The following PTPRO variants were observed in gnomAD, a reference collection of about 807,000 sequenced individuals.
The protein encoded by PTPRO is receptor-type tyrosine-protein phosphatase O.
Under a neutral mutation model 145.2 loss-of-function variants are expected in PTPRO, and 62 were observed. The ratio of observed to expected loss-of-function variants is 0.43; its 90% CI spans 0.35 to 0.53. The LOEUF is 0.53. PTPRO is among the 20% of genes least tolerant of loss of function. PTPRO has a pLI of 0.01. For synonymous variants in PTPRO, 565 were observed against 514.7 expected (o/e 1.10, Z -1.32); for missense variants, 1,345 against 1,482.7 (o/e 0.91, Z 1.53).
chr12:15,388,633 A>G (rs1939098009), intron 1 of PTPRO, among the ~76,000 whole-genome samples: 1 of 152,184 alleles, frequency 6.6e-6, no homozygotes, highest in South Asian at 2.1e-4. Context: ...GGTATTTTTT[A>G]TTTTAGGAGG....
intron 10 of PTPRO, among the ~76,000 whole-genome samples, chr12:15,521,058 A>G (rs2136515529): frequency 6.6e-6 from 1 of 152,326 alleles, no homozygotes; most frequent in South Asian, 2.1e-4. Context: ...TCAAAGAAAC[A>G]CTAACCCTTG....
At chr12:15,507,978 T>C (rs939590405) in intron 6 of PTPRO, among the ~76,000 whole-genome samples, 1 of 152,246 alleles carries the variant, frequency 6.6e-6, no homozygotes, top group Admixed American at 6.5e-5. Flanking sequence ...AAGCTAAGGA[T>C]GGGCACTTCT....
chr12:15,459,992 A>G (rs765176198), intron 1 of PTPRO, among the ~76,000 whole-genome samples: 3 of 152,158 alleles, frequency 2.0e-5, no homozygotes, highest in Non-Finnish European at 2.9e-5. Flanking sequence ...TCTGAGCCTC[A>G]TGTGTGTGTT....
rs74779489 is a variant in PTPRO at position 15,330,093 on chromosome 12, T to C, written c.75+7292T>C. ...CTGTATTCTCTAGGGGAAGAGGCCTTATCGAAGGGTTTAATCAAGGCATTA... is the reference window on the plus strand; with the variant it reads ...CTGTATTCTCTAGGGGAAGAGGCCTCATCGAAGGGTTTAATCAAGGCATTA... On this transcript the variant is annotated intron_variant, in intron 1 of 26. Transcript: ENST00000281171. Among the ~76,000 whole-genome samples the C allele has an allele frequency of 1.2e-4, 19 of 152,248 alleles. No individual in the cohort carries two copies. The East Asian group carries it at 3.7e-3, about 29-fold the overall frequency.
chr12:15,378,680 G>T (rs1938762838), intron 1 of PTPRO, among the ~76,000 whole-genome samples: 1 of 151,940 alleles, frequency 6.6e-6, no homozygotes, highest in African/African-American at 2.4e-5. Context: ...GAAGCTAAGA[G>T]AACACTTTCT....
At chr12:15,411,906 G>A (rs1042844681) in intron 1 of PTPRO, among the ~76,000 whole-genome samples, 5 of 152,302 alleles carry the variant, frequency 3.3e-5, no homozygotes, top group African/African-American at 9.6e-5. Context: ...GCATGCATCA[G>A]ACAGTCTGAA....
intron 1 of PTPRO, among the ~76,000 whole-genome samples, chr12:15,455,252 G>A (rs984660563): frequency 6.6e-6 from 1 of 151,990 alleles, no homozygotes; most frequent in Non-Finnish European, 1.5e-5. Context: ...GATCTCTGCT[G>A]AAAAGTAATT....
chr12:15,513,850 T>A (rs1160846154), intron 7 of PTPRO, among the ~76,000 whole-genome samples: 1 of 152,202 alleles, frequency 6.6e-6, no homozygotes, highest in African/African-American at 2.4e-5. Context: ...ACCTATATCT[T>A]AGCAATGAAG....
chr12:15,589,141 C>T (rs1944491019), intron 24 of PTPRO, among the ~76,000 whole-genome samples: 1 of 152,064 alleles, frequency 6.6e-6, no homozygotes, highest in South Asian at 2.1e-4. Context: ...TTCAGGAGGC[C>T]GAGGTGGGAA....
At chr12:15,364,191 G>C (rs1002427546) in intron 1 of PTPRO, among the ~76,000 whole-genome samples, 1 of 152,138 alleles carries the variant, frequency 6.6e-6, no homozygotes, top group Non-Finnish European at 1.5e-5. Flanking sequence ...TATGATGTAC[G>C]AGACATTTTG....
chr12:15,358,552 G>C (rs1420094705), intron 1 of PTPRO, among the ~76,000 whole-genome samples: 1 of 152,112 alleles, frequency 6.6e-6, no homozygotes, highest in East Asian at 1.9e-4. Flanking sequence ...CAGACAGCCA[G>C]CTCTGTTCAG....
chr12:15,539,715 T>C (rs1036590869), intron 12 of PTPRO, among the ~76,000 whole-genome samples: 1 of 123,216 alleles, frequency 8.1e-6, no homozygotes, highest in Non-Finnish European at 1.6e-5. Context: ...TGAGCTGAGA[T>C]TGCGCCGCTG....
At chr12:15,533,981 G>A (rs1165808312) in intron 12 of PTPRO, among the ~76,000 whole-genome samples, 1 of 152,130 alleles carries the variant, frequency 6.6e-6, no homozygotes, top group Admixed American at 6.6e-5. Flanking sequence ...TTAATCTAAT[G>A]TGTCATGTGC....
chr12:15,488,992 A>T (rs1941946305), intron 2 of PTPRO, among the ~76,000 whole-genome samples: 1 of 152,206 alleles, frequency 6.6e-6, no homozygotes, highest in Non-Finnish European at 1.5e-5. Flanking sequence ...GGCTGTACAC[A>T]TTAAAGAATA....
intron 14 of PTPRO, among the ~76,000 whole-genome samples, chr12:15,550,735 T>C (rs1298165006): frequency 6.6e-6 from 1 of 152,220 alleles, no homozygotes; most frequent in African/African-American, 2.4e-5. Context: ...AGGGATCAGA[T>C]GCACCTGCTC....
intron 1 of PTPRO, among the ~76,000 whole-genome samples, chr12:15,341,512 G>A (rs1866984138): frequency 6.6e-6 from 1 of 152,190 alleles, no homozygotes; most frequent in Admixed American, 6.5e-5. Flanking sequence ...TGATCTGAAT[G>A]AAATGAGGTC....
intron 6 of PTPRO, 73 bp downstream of exon 6, chr12:15,504,142 C>T (rs1196546981): frequency 6.8e-7 from 1 of 1,463,146 alleles, no homozygotes; most frequent in East Asian, 2.3e-5. Flanking sequence ...TAATGATGCT[C>T]AGATGTCAAT....
chr12:15,561,944 T>A (rs983653506), intron 17 of PTPRO, among the ~76,000 whole-genome samples: 1 of 152,132 alleles, frequency 6.6e-6, no homozygotes, highest in African/African-American at 2.4e-5. Context: ...TGCTCAAATT[T>A]CAGCAACCCT....
At chr12:15,342,381 AC>A (rs922619387) in intron 1 of PTPRO, among the ~76,000 whole-genome samples, 1 of 150,632 alleles carries the variant, frequency 6.6e-6, no homozygotes, top group Non-Finnish European at 1.5e-5. Flanking sequence ...GTCTATGATC[AC>A]CAATCATCTT....
Sources: allele counts gnomAD v4.1 joint callset (sites outside exome capture counted in the v4.1 genomes callset), GRCh38; gene constraint gnomAD v4.1.1; transcripts MANE v1.5; gene names NCBI Gene and HGNC (gene_info 2026-07-23, HGNC 2026-07-21).